IL1RAPL1: variants seen among roughly 807,000 people sequenced by gnomAD.
IL1RAPL1 encodes interleukin-1 receptor accessory protein-like 1.
IL1RAPL1 carries 3 observed loss-of-function variants against 48.4 expected under a neutral mutation model. The ratio of observed to expected loss-of-function variants is 0.06; its 90% CI spans 0.03 to 0.16. The LOEUF is 0.16. Ranked by LOEUF, IL1RAPL1 falls within the 10% of genes least tolerant of loss-of-function variation. The pLI, the probability that IL1RAPL1 is intolerant of heterozygous loss-of-function variation, is 1.00. For synonymous variants in IL1RAPL1, 185 were observed against 187.7 expected, an observed-to-expected ratio of 0.99 and a Z score of 0.12; for missense variants, 349 against 530.6, an observed-to-expected ratio of 0.66 and a Z score of 3.36.
intron 2 of IL1RAPL1, among the ~76,000 whole-genome samples, chrX:29,224,426 C>G (rs1365259820): frequency 9.0e-6 from 1 of 110,768 alleles, no homozygotes; most frequent in African/African-American, 3.3e-5. Context: ...AATCTTATAG[C>G]TTAAGATCTA....
intron 2 of IL1RAPL1, among the ~76,000 whole-genome samples, chrX:28,861,611 A>G (rs765902988): frequency 1.8e-5 from 2 of 111,691 alleles, no homozygotes; most frequent in East Asian, 2.8e-4. Flanking sequence ...TACATAAGAA[A>G]TAGAAAAAAC....
chrX:29,206,116 A>G (rs908154127), intron 2 of IL1RAPL1, among the ~76,000 whole-genome samples: 6 of 111,531 alleles, frequency 5.4e-5, no homozygotes, highest in Non-Finnish European at 7.5e-5. Flanking sequence ...TAATTACCTG[A>G]TCTATATCAT....
At chrX:29,418,164 G>A (rs1419300225) in intron 5 of IL1RAPL1, among the ~76,000 whole-genome samples, 3 of 78,439 alleles carry the variant, frequency 3.8e-5, no homozygotes, top group African/African-American at 5.3e-5. Flanking sequence ...TTGCTCTGTC[G>A]CCCAGGCTGG....
chrX:28,865,527 A>G (rs981299863), intron 2 of IL1RAPL1, among the ~76,000 whole-genome samples: 1 of 111,610 alleles, frequency 9.0e-6, no homozygotes, highest in African/African-American at 3.3e-5. Flanking sequence ...TTGAGTAGGC[A>G]ATTAAACATT....
intron 8 of IL1RAPL1, among the ~76,000 whole-genome samples, chrX:29,925,104 C>T (rs146904041): frequency 0.012 from 1,331 of 111,038 alleles, 22 homozygotes; most frequent in African/African-American, 0.039. Flanking sequence ...TCTTTTGGGG[C>T]TGGCCATTTG....
chrX:29,554,459 C>G (rs1921925957), intron 5 of IL1RAPL1, among the ~76,000 whole-genome samples: 1 of 111,237 alleles, frequency 9.0e-6, no homozygotes, highest in African/African-American at 3.3e-5. Flanking sequence ...AGAAAGGAAA[C>G]TCGTATTTTC....
chrX:28,615,214 T>TGTTTG (rs780699569), intron 1 of IL1RAPL1, among the ~76,000 whole-genome samples: 1 of 58,963 alleles, frequency 1.7e-5, no homozygotes. Flanking sequence ...TTTTTTTTTT[T>TGTTTG]TTTTTTTTTT....
intron 3 of IL1RAPL1, among the ~76,000 whole-genome samples, chrX:29,293,843 AT>A (rs1932407679): frequency 8.9e-6 from 1 of 111,765 alleles, no homozygotes; most frequent in Admixed American, 9.5e-5. Flanking sequence ...TCCAAAAAAA[AT>A]AAAATGTTAA....
chrX:29,430,414 T>C (rs753198838), intron 5 of IL1RAPL1, among the ~76,000 whole-genome samples: 11 of 111,648 alleles, frequency 9.9e-5, no homozygotes, highest in African/African-American at 3.6e-4. Flanking sequence ...TGTTTCTGAC[T>C]GTGTATAGGA....
chrX:29,919,442 A>G (rs765365638), intron 7 of IL1RAPL1, among the ~76,000 whole-genome samples: 3 of 112,387 alleles, frequency 2.7e-5, no homozygotes, highest in Non-Finnish European at 5.6e-5. Context: ...CTTTTAGTCT[A>G]CAGGTTTATA....
intron 1 of IL1RAPL1, among the ~76,000 whole-genome samples, chrX:28,647,946 C>T (rs1934634344): frequency 1.8e-5 from 2 of 111,575 alleles, no homozygotes; most frequent in Non-Finnish European, 3.8e-5. Context: ...TGCTTATAAT[C>T]CTTGGAAAGC....
intron 2 of IL1RAPL1, among the ~76,000 whole-genome samples, chrX:29,275,952 C>T (rs1451167484): frequency 1.8e-5 from 2 of 112,344 alleles, no homozygotes; most frequent in African/African-American, 3.2e-5. Flanking sequence ...TTGTAACTTA[C>T]TATCTTGAAA....
intron 6 of IL1RAPL1, among the ~76,000 whole-genome samples, chrX:29,683,885 T>C (rs1371799005): frequency 8.9e-6 from 1 of 112,294 alleles, no homozygotes; most frequent in African/African-American, 3.2e-5. Flanking sequence ...ATACTATTGC[T>C]TCCAAATCTT....
At chrX:28,920,554 C>T (rs1365084249) in intron 2 of IL1RAPL1, among the ~76,000 whole-genome samples, 1 of 111,838 alleles carries the variant, frequency 8.9e-6, no homozygotes, top group Non-Finnish European at 1.9e-5. Flanking sequence ...AGATTTGCAG[C>T]TTTTGTAGTT....
intron 1 of IL1RAPL1, among the ~76,000 whole-genome samples, chrX:28,608,655 A>C (rs1170057525): frequency 8.9e-6 from 1 of 111,795 alleles, no homozygotes; most frequent in Admixed American, 9.6e-5. Context: ...CTGAATTCTA[A>C]GTTTTGCAGG....
At chrX:28,951,605 A>G (rs1014587496) in intron 2 of IL1RAPL1, among the ~76,000 whole-genome samples, 1 of 111,083 alleles carries the variant, frequency 9.0e-6, no homozygotes, top group Non-Finnish European at 1.9e-5. Flanking sequence ...AACAGAATTG[A>G]TATCTGCTTA....
At chrX:29,200,726 C>G in intron 2 of IL1RAPL1, among the ~76,000 whole-genome samples, 1 of 111,920 alleles carries the variant, frequency 8.9e-6, no homozygotes, top group Non-Finnish European at 1.9e-5. Context: ...CATATTAATA[C>G]TTAAGACATA....
intron 2 of IL1RAPL1, among the ~76,000 whole-genome samples, chrX:29,211,417 A>C (rs1381710761): frequency 1.8e-5 from 2 of 111,654 alleles, no homozygotes; most frequent in African/African-American, 6.5e-5. Flanking sequence ...GTGACCATAA[A>C]ATGTATTATT....
At chrX:29,321,241 T>C in intron 3 of IL1RAPL1, among the ~76,000 whole-genome samples, 1 of 111,773 alleles carries the variant, frequency 8.9e-6, no homozygotes, top group East Asian at 2.8e-4. Context: ...TTGTTCTTTC[T>C]AAAAGGTAGA....
Sources: gnomAD v4.1 joint callset for allele counts (sites outside exome capture counted in the v4.1 genomes callset) on GRCh38, gnomAD v4.1.1 for gene constraint, MANE v1.5 for transcripts, NCBI Gene and HGNC (gene_info 2026-07-23, HGNC 2026-07-21) for gene names.